RRM2B: variants seen among roughly 807,000 people sequenced by gnomAD.
RRM2B encodes the protein ribonucleoside-diphosphate reductase subunit M2 B.
Under a neutral mutation model 45.9 loss-of-function variants are expected in RRM2B, and 20 were observed. The observed-to-expected ratio is 0.44, with a 90% CI of 0.31 to 0.63. RRM2B has a LOEUF of 0.63. Ranked by LOEUF, RRM2B falls within the 30% of genes least tolerant of loss-of-function variation. The pLI, the probability that RRM2B is intolerant of heterozygous loss-of-function variation, is 0.09. For synonymous variants in RRM2B, 124 were observed against 132.3 expected (o/e 0.94, Z 0.43); for missense variants, 320 against 414.7 (o/e 0.77, Z 1.98).
rs937220986 is a variant in RRM2B, at chr8:102,206,427, A to C, written c.*1706T>G. 3 of 152,208 alleles carry C rather than the reference A, an allele frequency of 2.0e-5. No homozygotes were observed. Among genetic ancestry groups the C allele is most frequent in the Non-Finnish European group, 4.4e-5 (3 of 68,026 alleles). 9.4% of individuals were successfully genotyped at this position (152,208 alleles called of 1,614,324 possible). On this transcript the variant is annotated 3_prime_UTR_variant, in exon 9 of 9. Transcript: ENST00000251810. ...CAATGCAAAAATTAATGGTATTATC[A>C]TAGGCCAAAAGATCTCAAGTTTCTG...
At chr8:102,219,118 C>A in intron 5 of RRM2B, 171 bp from the exon 6 acceptor site, 1 of 660,048 alleles carries the variant, frequency 1.5e-6, no homozygotes, top group Non-Finnish European at 2.6e-6. Context: ...CCTCTACCTA[C>A]TGGAGCAGAA....
chr8:102,217,434 G>C (rs1810749776), intron 6 of RRM2B, among the ~76,000 whole-genome samples: 1 of 151,906 alleles, frequency 6.6e-6, no homozygotes. Flanking sequence ...CCATGAAAAA[G>C]CAAAAAGTAA....
chr8:102,233,542 T>G (rs554351887), intron 1 of RRM2B, among the ~76,000 whole-genome samples: 22 of 152,192 alleles, frequency 1.4e-4, no homozygotes, highest in Non-Finnish European at 3.1e-4. Context: ...TCTAGGTACC[T>G]TTAGAAAATT....
At chr8:102,227,241 T>C (rs1044231854) in intron 2 of RRM2B, among the ~76,000 whole-genome samples, 1 of 152,178 alleles carries the variant, frequency 6.6e-6, no homozygotes, top group Non-Finnish European at 1.5e-5. Flanking sequence ...AGAATTAGTC[T>C]TTGGAATTAA....
chr8:102,235,813 A>C (rs527380331), intron 1 of RRM2B, among the ~76,000 whole-genome samples: 1 of 152,192 alleles, frequency 6.6e-6, no homozygotes, highest in Non-Finnish European at 1.5e-5. Context: ...TATGTACTCC[A>C]GCCTGGTGAC....
chr8:102,223,494 A>G (rs895156367), intron 5 of RRM2B, among the ~76,000 whole-genome samples: 5 of 152,102 alleles, frequency 3.3e-5, no homozygotes, highest in African/African-American at 1.2e-4. Context: ...AGAGTTCAAG[A>G]CTAGTCTGGC....
intron 6 of RRM2B, among the ~76,000 whole-genome samples, chr8:102,215,461 T>A (rs1198904781): frequency 6.6e-6 from 1 of 150,800 alleles, no homozygotes; most frequent in African/African-American, 2.4e-5. Context: ...GATGTTAAAG[T>A]GTTGATGAAA....
intron 5 of RRM2B, among the ~76,000 whole-genome samples, chr8:102,221,640 C>T (rs1455402635): frequency 3.3e-5 from 5 of 152,152 alleles, no homozygotes; most frequent in African/African-American, 1.2e-4. Flanking sequence ...TCCTCTGAGA[C>T]CCTATATTAG....
intron 1 of RRM2B, among the ~76,000 whole-genome samples, chr8:102,237,246 C>T (rs1317860077): frequency 6.6e-6 from 1 of 152,182 alleles, no homozygotes; most frequent in African/African-American, 2.4e-5. Context: ...TAACTATGGA[C>T]CCCTTTCTCA....
chr8:102,208,091 T>C lies in RRM2B; in HGVS notation c.*42A>G. The stretch of plus-strand genomic sequence containing the variant: ...TAAGCAGAGGAAAATAGACTACTAT[T>C]TACCAATGACAAGTTTATAGAGTTT... On this transcript the variant is annotated 3_prime_UTR_variant, in exon 9 of 9. Coordinates refer to ENST00000251810, the MANE Select transcript of RRM2B (RefSeq NM_015713.5). 1 of 1,558,060 alleles carries C rather than the reference T, an allele frequency of 6.4e-7. No homozygotes were observed. The highest frequency in any genetic ancestry group is 8.8e-7 in the Non-Finnish European group (1 of 1,132,384).
At chr8:102,235,811 C>A (rs1351269609) in intron 1 of RRM2B, among the ~76,000 whole-genome samples, 1 of 152,126 alleles carries the variant, frequency 6.6e-6, no homozygotes, top group Non-Finnish European at 1.5e-5. Context: ...TGTATGTACT[C>A]CAGCCTGGTG....
chr8:102,225,746 T>C (rs1380337535), intron 3 of RRM2B, among the ~76,000 whole-genome samples, 172 bp downstream of exon 3: 1 of 152,242 alleles, frequency 6.6e-6, no homozygotes, highest in East Asian at 1.9e-4. Flanking sequence ...GATTTAATAA[T>C]AGTTTGCTGG....
Position 102,214,160 on chromosome 8 carries a change from T to G in RRM2B, c.685-2A>C. ...GCAAGCAAAGTCACAGTGAAGTCCC[T>G]AAAAGGGAAGAAAAATGTCATTGTC... On this transcript the variant is annotated splice_acceptor_variant, in intron 6 of 8. Transcript: ENST00000251810. LOFTEE classifies it high-confidence loss of function. 1 of 1,597,944 alleles carries G rather than the reference T, an allele frequency of 6.3e-7. No individual in the cohort carries two copies. Among genetic ancestry groups the G allele is most frequent in the Non-Finnish European group, 8.6e-7 (1 of 1,165,704 alleles).
chr8:102,220,259 T>C (rs2132550781), intron 5 of RRM2B, among the ~76,000 whole-genome samples: 1 of 152,266 alleles, frequency 6.6e-6, no homozygotes, highest in African/African-American at 2.4e-5. Flanking sequence ...ATCATCACTA[T>C]TCTTAAGATG....
chr8:102,228,169 G>A (rs1810966836), intron 2 of RRM2B, among the ~76,000 whole-genome samples: 1 of 152,182 alleles, frequency 6.6e-6, no homozygotes, highest in Admixed American at 6.5e-5. Context: ...AGGAGAAGAG[G>A]AGAAGCAGCT....
intron 2 of RRM2B, 63 bp from the exon 3 acceptor site, chr8:102,226,097 A>C (rs1387381675): frequency 6.2e-6 from 6 of 961,828 alleles, no homozygotes; most frequent in Non-Finnish European, 1.0e-5. Context: ...AGTGTTTGGG[A>C]AACTAACTTC....
intron 1 of RRM2B, among the ~76,000 whole-genome samples, chr8:102,233,793 G>C (rs1235313793): frequency 6.6e-6 from 1 of 152,112 alleles, no homozygotes; most frequent in Non-Finnish European, 1.5e-5. Flanking sequence ...GCACTTAGTT[G>C]GTACTCATTC....
chr8:102,204,959 G>C lies in RRM2B; in HGVS notation c.*3174C>G, dbSNP rs999530454. On this transcript the variant is annotated 3_prime_UTR_variant, in exon 9 of 9. Coordinates refer to ENST00000251810, the MANE Select transcript of RRM2B (RefSeq NM_015713.5). ...TTAAATCCTTTCTTCCTAATGCCTC[G>C]GGAATATGAGATTCTCTTTCAAATC... 6.6e-6 allele frequency: 1 copy of C among 152,040 alleles called. No homozygotes were observed. The highest frequency in any genetic ancestry group is 1.5e-5 in the Non-Finnish European group (1 of 68,004). 9.4% of individuals were successfully genotyped at this position (152,040 alleles called of 1,614,324 possible).
intron 6 of RRM2B, 125 bp from the exon 7 acceptor site, chr8:102,214,283 G>A: frequency 1.4e-6 from 1 of 704,000 alleles, no homozygotes; most frequent in African/African-American, 1.8e-5. Context: ...AAATGGAAGA[G>A]GGGTTAATAG....
Sources: gnomAD v4.1 joint callset for allele counts (sites outside exome capture counted in the v4.1 genomes callset) on GRCh38, gnomAD v4.1.1 for gene constraint, MANE v1.5 for transcripts, NCBI Gene and HGNC (gene_info 2026-07-23, HGNC 2026-07-21) for gene names.